Variants in RIMS2 observed in about 807,000 individuals in gnomAD.
RIMS2 encodes regulating synaptic membrane exocytosis 2.
In RIMS2, 59 loss-of-function variants were observed where a neutral mutation model predicts 174.4. The ratio of observed to expected loss-of-function variants is 0.34; its 90% CI spans 0.27 to 0.42. The LOEUF is 0.42. Among genes scored for constraint, RIMS2 ranks in the 10% least tolerant of loss-of-function variants. The pLI, the probability that RIMS2 is intolerant of heterozygous loss-of-function variation, is 1.00. For missense variants in RIMS2, 1,620 were observed against 1,666.3 expected, an observed-to-expected ratio of 0.97 and a Z score of 0.48; for synonymous variants, 606 against 572.5, an observed-to-expected ratio of 1.06 and a Z score of -0.84.
intron 12 of RIMS2, among the ~76,000 whole-genome samples, chr8:103,934,483 T>C (rs2080760386): frequency 6.6e-6 from 1 of 152,146 alleles, no homozygotes; most frequent in Admixed American, 6.5e-5. Context: ...ATAGTTCTTT[T>C]TGTGAATTGG....
At chr8:103,614,417 G>A (rs139536824) in intron 1 of RIMS2, among the ~76,000 whole-genome samples, 42 of 152,366 alleles carry the variant, frequency 2.8e-4, no homozygotes, top group African/African-American at 9.4e-4. Context: ...CATTGGAGAG[G>A]TGTGGCACTG....
At chr8:103,960,211 A>G (rs1565538848) in intron 14 of RIMS2, among the ~76,000 whole-genome samples, 1 of 152,230 alleles carries the variant, frequency 6.6e-6, no homozygotes, top group Non-Finnish European at 1.5e-5. Flanking sequence ...TTTATATGCA[A>G]TAATTTCATA....
At position 104,026,629 on chromosome 8, in the gene RIMS2, G is replaced by T. The variant is rs141922231; in HGVS notation, c.3334+12014G>T. ...GATAACCTTATAAATAAGAAAGAAA[G>T]AAATGGAAAGAGGAGAGGGGGAAAA... On this transcript the variant is annotated intron_variant, in intron 19 of 23. Coordinates refer to ENST00000504942, the Ensembl canonical transcript of RIMS2. 4.3e-3 allele frequency among the ~76,000 whole-genome samples: 545 copies of T among 125,406 alleles called. 1 individual carries two copies. The highest frequency in any genetic ancestry group is 7.0e-3 in the Non-Finnish European group (400 of 57,092). The allele number at this position is 125,406 out of a possible 152,430, so 82.3% of individuals were successfully genotyped here.
chr8:103,883,731 G>A (rs113780497), intron 3 of RIMS2, among the ~76,000 whole-genome samples: 1,751 of 151,788 alleles, frequency 0.012, 41 homozygotes, highest in African/African-American at 0.04. Context: ...GATTTGAAAG[G>A]TAGAGGATAT....
intron 19 of RIMS2, among the ~76,000 whole-genome samples, chr8:104,091,019 G>T (rs996269647): frequency 6.6e-6 from 1 of 151,536 alleles, no homozygotes; most frequent in African/African-American, 2.4e-5. Context: ...GTCAGATATT[G>T]TGCTAAGTGC....
rs375561570 is a variant in RIMS2 at position 104,030,942 on chromosome 8, T to C, written c.3334+16327T>C. Among the ~76,000 whole-genome samples, 35 of 152,300 alleles carry C rather than the reference T, an allele frequency of 2.3e-4. No individual in the cohort carries two copies. In the East Asian group the frequency reaches 6.0e-3, roughly 26 times the overall value. ...TGAATGTATGGGGTTTTGCCTGTTT[T>C]GTTTGTTGTTATATCCCTGTACCCA... On this transcript the variant is annotated intron_variant, in intron 19 of 23. Transcript: ENST00000504942.
At chr8:104,029,615 G>C (rs1169339676) in intron 19 of RIMS2, among the ~76,000 whole-genome samples, 1 of 152,004 alleles carries the variant, frequency 6.6e-6, no homozygotes, top group Non-Finnish European at 1.5e-5. Context: ...AATTTCAAAG[G>C]TTTATTTTTT....
intron 19 of RIMS2, among the ~76,000 whole-genome samples, chr8:104,024,041 G>A (rs2096183288): frequency 2.0e-5 from 3 of 152,170 alleles, no homozygotes; most frequent in South Asian, 2.1e-4. Flanking sequence ...GGACTGATTA[G>A]AGGGGATTCA....
chr8:103,820,062 T>A (rs1334164869), intron 3 of RIMS2, among the ~76,000 whole-genome samples: 1 of 152,116 alleles, frequency 6.6e-6, no homozygotes, highest in Admixed American at 6.6e-5. Flanking sequence ...GTTTAAGACA[T>A]TTCTCTATGC....
intron 1 of RIMS2, among the ~76,000 whole-genome samples, chr8:103,540,861 ATGAC>A (rs1842255134): frequency 6.6e-6 from 1 of 152,170 alleles, no homozygotes; most frequent in Non-Finnish European, 1.5e-5. Flanking sequence ...AGAAAAAACA[ATGAC>A]TGGAATGAAA....
intron 16 of RIMS2, among the ~76,000 whole-genome samples, chr8:103,980,595 A>G (rs922597214): frequency 2.0e-5 from 3 of 152,308 alleles, no homozygotes; most frequent in African/African-American, 7.2e-5. Context: ...CAGCTCAGCC[A>G]CAGTGGGTTA....
chr8:104,168,095 A>G (rs977382328), intron 19 of RIMS2, among the ~76,000 whole-genome samples: 2 of 152,100 alleles, frequency 1.3e-5, no homozygotes, highest in Admixed American at 6.6e-5. Context: ...GAAGTTGTGT[A>G]ATGTGATGCC....
chr8:103,801,536 A>G (rs1334246766), intron 3 of RIMS2, among the ~76,000 whole-genome samples: 1 of 152,148 alleles, frequency 6.6e-6, no homozygotes, highest in East Asian at 1.9e-4. Context: ...TTCCATACTA[A>G]TCTGTATATC....
At chr8:103,518,261 T>G (rs1829978171) in intron 1 of RIMS2, among the ~76,000 whole-genome samples, 1 of 152,072 alleles carries the variant, frequency 6.6e-6, no homozygotes, top group African/African-American at 2.4e-5. Flanking sequence ...ATTTATGCTA[T>G]AACTCCCATG....
At chr8:104,100,597 A>G (rs1301751306) in intron 19 of RIMS2, among the ~76,000 whole-genome samples, 1 of 151,874 alleles carries the variant, frequency 6.6e-6, no homozygotes, top group East Asian at 1.9e-4. Flanking sequence ...TTTTGAGGAT[A>G]TTGTTTCTTA....
intron 1 of RIMS2, among the ~76,000 whole-genome samples, chr8:103,528,346 G>A (rs888533195): frequency 6.6e-6 from 1 of 152,152 alleles, no homozygotes; most frequent in South Asian, 2.1e-4. Flanking sequence ...TAGGTTGCCT[G>A]TTCTCTCTGA....
chr8:104,128,762 T>A (rs1423681153), intron 19 of RIMS2, among the ~76,000 whole-genome samples: 1 of 152,190 alleles, frequency 6.6e-6, no homozygotes, highest in Non-Finnish European at 1.5e-5. Context: ...TTTGTTTAAC[T>A]CCCAGCTGTG....
At chr8:103,631,771 T>G (rs929205331) in intron 1 of RIMS2, among the ~76,000 whole-genome samples, 1 of 152,136 alleles carries the variant, frequency 6.6e-6, no homozygotes, top group Non-Finnish European at 1.5e-5. Context: ...CATGGGATGA[T>G]TTTACACTTG....
At chr8:104,212,633 TAACTAA>T (rs1401082783) in intron 19 of RIMS2, among the ~76,000 whole-genome samples, 1 of 152,200 alleles carries the variant, frequency 6.6e-6, no homozygotes, top group East Asian at 1.9e-4. Flanking sequence ...TGTTCATTCT[TAACTAA>T]AACTAAATCA....
Sources: allele counts gnomAD v4.1 joint callset (sites outside exome capture counted in the v4.1 genomes callset), GRCh38; gene constraint gnomAD v4.1.1; transcripts MANE v1.5; gene names NCBI Gene and HGNC (gene_info 2026-07-23, HGNC 2026-07-21).